The following EXOC2 variants were observed in gnomAD, a reference collection of about 807,000 sequenced individuals.
EXOC2 encodes exocyst complex component 2, also known as SEC5-like 1.
EXOC2 carries 70 observed loss-of-function variants against 131.8 expected under a neutral mutation model. The ratio of observed to expected loss-of-function variants is 0.53; its 90% CI spans 0.44 to 0.65. EXOC2 has a LOEUF of 0.65. EXOC2 is among the 30% of genes least tolerant of loss of function. EXOC2 has a pLI of 0.00. For synonymous variants in EXOC2, 411 were observed against 398.4 expected, an observed-to-expected ratio of 1.03 and a Z score of -0.38; for missense variants, 923 against 1,108.6, an observed-to-expected ratio of 0.83 and a Z score of 2.38.
intron 7 of EXOC2, among the ~76,000 whole-genome samples, chr6:604,413 C>T (rs3823137): frequency 0.61 from 92,225 of 151,974 alleles, 29,683 homozygotes; most frequent in Non-Finnish European, 0.71. Context: ...GCTGACCTGG[C>T]TTAACATGCC....
At chr6:597,729 G>A (rs1172447631) in intron 10 of EXOC2, among the ~76,000 whole-genome samples, 1 of 152,124 alleles carries the variant, frequency 6.6e-6, no homozygotes, top group Non-Finnish European at 1.5e-5. Context: ...ATCCCACTAG[G>A]CAAGGTACCC....
chr6:671,209 T>C (rs541971670), intron 1 of EXOC2, among the ~76,000 whole-genome samples: 1 of 149,284 alleles, frequency 6.7e-6, no homozygotes, highest in Non-Finnish European at 1.5e-5. Flanking sequence ...GTACAAAAAC[T>C]AGCCAGGCTT....
intron 18 of EXOC2, 108 bp downstream of exon 18, chr6:556,376 A>G: frequency 9.0e-7 from 1 of 1,106,322 alleles, no homozygotes; most frequent in Non-Finnish European, 1.3e-6. Flanking sequence ...TGGAACAAGC[A>G]GGCGAAGAGG....
rs748625143 is a variant in EXOC2 at position 582,180 on chromosome 6, A to G, written c.1193-5298T>C. Among the ~76,000 whole-genome samples the G allele has an allele frequency of 5.9e-5, 9 of 152,170 alleles. No individual in the cohort carries two copies. The East Asian group carries it at 1.5e-3, about 26-fold the overall frequency. On this transcript the variant is annotated intron_variant, in intron 11 of 27. Coordinates refer to ENST00000230449, the MANE Select transcript of EXOC2 (RefSeq NM_018303.6). ...AATTCTGTAGGACTTCCAGGAAACCATATCAGTCAAATCCTTTCCACTCAA... is the reference window on the plus strand; with the variant it reads ...AATTCTGTAGGACTTCCAGGAAACCGTATCAGTCAAATCCTTTCCACTCAA...
intron 22 of EXOC2, among the ~76,000 whole-genome samples, chr6:546,821 C>T (rs755206685): frequency 3.9e-5 from 6 of 152,230 alleles, no homozygotes; most frequent in Non-Finnish European, 7.3e-5. Context: ...TTCCAGCCAA[C>T]AGGAGGCTAC....
intron 1 of EXOC2, among the ~76,000 whole-genome samples, chr6:675,428 G>C (rs1764065909): frequency 2.6e-5 from 4 of 152,172 alleles, no homozygotes; most frequent in South Asian, 4.1e-4. Flanking sequence ...ATAGTGCGCA[G>C]ACATGCAGGA....
chr6:518,031 A>G (rs932925468), intron 23 of EXOC2, among the ~76,000 whole-genome samples: 5 of 152,224 alleles, frequency 3.3e-5, no homozygotes, highest in Non-Finnish European at 7.3e-5. Flanking sequence ...TAATGTGTGG[A>G]CCTTGACTGA....
chr6:675,536 C>T (rs1764073907), intron 1 of EXOC2, among the ~76,000 whole-genome samples: 1 of 37,604 alleles, frequency 2.7e-5, no homozygotes, highest in Non-Finnish European at 7.4e-5. Context: ...ACAGGTTCCT[C>T]TGGAGACTCT....
chr6:572,817 C>T (rs896854023), intron 12 of EXOC2, among the ~76,000 whole-genome samples, 173 bp from the exon 13 acceptor site: 1 of 152,230 alleles, frequency 6.6e-6, no homozygotes, highest in Non-Finnish European at 1.5e-5. Context: ...GCGGTACGCT[C>T]GTCACCAGAC....
At chr6:559,940 C>G (rs1256215581) in intron 17 of EXOC2, among the ~76,000 whole-genome samples, 1 of 152,202 alleles carries the variant, frequency 6.6e-6, no homozygotes, top group African/African-American at 2.4e-5. Context: ...TTGCACATAA[C>G]TGACTTGAGG....
At chr6:596,314 T>C (rs1759817162) in intron 10 of EXOC2, among the ~76,000 whole-genome samples, 1 of 151,784 alleles carries the variant, frequency 6.6e-6, no homozygotes, top group Non-Finnish European at 1.5e-5. Context: ...GTGCGGATCT[T>C]TTCCCCCGTT....
chr6:633,263 T>G (rs538731596), intron 2 of EXOC2, 146 bp from the exon 3 acceptor site: 13 of 865,840 alleles, frequency 1.5e-5, no homozygotes, highest in Middle Eastern at 7.0e-4. Context: ...TACTGTTATC[T>G]CTATTGACTT....
rs1420323631 is a variant in EXOC2, at chr6:506,194, T to A, written c.2381-6494A>T. Among the ~76,000 whole-genome samples the A allele has an allele frequency of 1.3e-5, 2 of 152,244 alleles. No homozygotes were observed. The highest frequency in any genetic ancestry group is 2.9e-5 in the Non-Finnish European group (2 of 68,038). ...ATCTATTTGCTTTCCAAAATATGCTTTATTTTTCCAGCAATATACTGAAAT... is the reference window on the plus strand; with the variant it reads ...ATCTATTTGCTTTCCAAAATATGCTATATTTTTCCAGCAATATACTGAAAT... On this transcript the variant is annotated intron_variant, in intron 23 of 27. Transcript: ENST00000230449. The surrounding 1 kb of genome is among the most constrained non-coding windows in gnomAD (Gnocchi z 4.4).
intron 7 of EXOC2, among the ~76,000 whole-genome samples, chr6:604,524 G>A (rs995228126): frequency 6.6e-6 from 1 of 151,996 alleles, no homozygotes; most frequent in African/African-American, 2.4e-5. Context: ...ATCTCCTATC[G>A]TTCTGTTAAA....
chr6:504,218 C>T (rs934155354), intron 23 of EXOC2, among the ~76,000 whole-genome samples: 5 of 152,210 alleles, frequency 3.3e-5, no homozygotes, highest in African/African-American at 9.6e-5. Context: ...GGGACGGTGA[C>T]GTACGGTGAT....
intron 23 of EXOC2, among the ~76,000 whole-genome samples, chr6:532,055 G>A (rs1308678696): frequency 1.3e-5 from 2 of 151,870 alleles, no homozygotes; most frequent in African/African-American, 2.4e-5. Context: ...CCTATCCTTC[G>A]CCTTTACAGC....
chr6:572,178 A>G (rs1384684176), intron 13 of EXOC2, among the ~76,000 whole-genome samples: 2 of 152,186 alleles, frequency 1.3e-5, no homozygotes, highest in African/African-American at 2.4e-5. Flanking sequence ...TCTACCGCAC[A>G]TCACCCAGAA....
chr6:571,443 C>T (rs977098441), intron 13 of EXOC2, among the ~76,000 whole-genome samples: 7 of 152,204 alleles, frequency 4.6e-5, no homozygotes, highest in African/African-American at 1.7e-4. Flanking sequence ...AACGGAGATA[C>T]TAGGCACTTG....
At chr6:532,138 T>C (rs991734571) in intron 23 of EXOC2, among the ~76,000 whole-genome samples, 5 of 152,360 alleles carry the variant, frequency 3.3e-5, no homozygotes, top group South Asian at 2.1e-4. Context: ...CACAAGGTCA[T>C]TGCATGCCAC....
Sources: allele counts gnomAD v4.1 joint callset (sites outside exome capture counted in the v4.1 genomes callset), GRCh38; gene constraint gnomAD v4.1.1; non-coding constraint Gnocchi (gnomAD v3.1); transcripts MANE v1.5; gene names NCBI Gene and HGNC (gene_info 2026-07-23, HGNC 2026-07-21).